The following CIAO3 variants were observed in gnomAD, a reference collection of about 807,000 sequenced individuals.
CIAO3 encodes LET1 like/JFP15.
In CIAO3, 45 loss-of-function variants were observed where a neutral mutation model predicts 51.5. That is an observed-to-expected ratio of 0.87 (90% CI 0.69 to 1.12). The LOEUF (loss-of-function observed/expected upper bound fraction) is 1.12. CIAO3 is among the 50% of genes most tolerant of loss of function. The pLI is 0.00. For synonymous variants in CIAO3, 314 were observed against 269.3 expected (o/e 1.17, Z -1.63); for missense variants, 668 against 632.5 (o/e 1.06, Z -0.60).
chr16:740,708 G>A, intron 1 of CIAO3: 1 of 557,056 alleles, frequency 1.8e-6, no homozygotes, highest in South Asian at 2.1e-5. Context: ...GGGGGGCGCC[G>A]CCCTCCCTGG....
intron 1 of CIAO3, 39 bp downstream of exon 1, chr16:740,881 C>A: frequency 6.6e-7 from 1 of 1,517,254 alleles, no homozygotes; most frequent in South Asian, 1.2e-5. Context: ...GACAGGGCAC[C>A]GAGCGCAGCC....
chr16:729,889 T>C lies in CIAO3; in HGVS notation c.*528A>G, dbSNP rs117818762. 3,848 of 395,742 alleles carry C rather than the reference T, an allele frequency of 9.7e-3. 56 individuals carry two copies. Among genetic ancestry groups the C allele is most frequent in the South Asian group, 0.029 (1,285 of 44,612 alleles). 24.5% of individuals were successfully genotyped at this position (395,742 alleles called of 1,614,324 possible). ...ACTTGGCTTGCCCCGGACCACAGCC[T>C]CGTAACGGTAACCCCTGCTTTCCAG... On this transcript the variant is annotated 3_prime_UTR_variant, in exon 11 of 11. Transcript: ENST00000251588.
chr16:731,136 AAG>A, intron 9 of CIAO3, 136 bp from the exon 10 acceptor site: 5 of 1,156,912 alleles, frequency 4.3e-6, no homozygotes, highest in South Asian at 1.5e-5. Flanking sequence ...GGGCAGAGGG[AAG>A]GACAAGAACG....
intron 10 of CIAO3, 67 bp from the exon 11 acceptor site, chr16:730,722 A>C (rs1567342699): frequency 6.3e-7 from 1 of 1,583,828 alleles, no homozygotes; most frequent in African/African-American, 1.3e-5. Flanking sequence ...ACCACCAGGG[A>C]GCAGGGAGGT....
rs141751860 is a variant in CIAO3 at position 734,318 on chromosome 16, C to G, written c.604G>C (p.Gly202Arg). 13 of 1,611,362 alleles carry G rather than the reference C, an allele frequency of 8.1e-6. No homozygotes were observed. Among genetic ancestry groups the G allele is most frequent in the Non-Finnish European group, 1.1e-5 (13 of 1,179,862 alleles). ...GWICYAEKTH[G>R]SFILPHISTA... ...CTGATGTGGGGGAGGATGAAGCTGC[C>G]GTGAGTCTTCTCGGCATAGCAGATC... The change falls in exon 6 of 11, where the codon GGC becomes CGC. Residue 202 changes from glycine (G) to arginine (R), a missense_variant. By Grantham distance (125) the Gly-to-Arg change is moderately radical. Transcript: ENST00000251588.
At position 730,039 on chromosome 16, in the gene CIAO3, G is replaced by A. The variant is rs1418791186; in HGVS notation, c.*378C>T. The A allele has an allele frequency of 8.0e-5, 30 of 374,228 alleles. No homozygotes were observed. The highest frequency in any genetic ancestry group is 1.5e-5 in the Non-Finnish European group (3 of 202,308). 23.2% of individuals were successfully genotyped at this position (374,228 alleles called of 1,614,324 possible). On this transcript the variant is annotated 3_prime_UTR_variant, in exon 11 of 11. Transcript: ENST00000251588. ...AGGGAAGCCTCCAGAAGTCAGGGGT[G>A]AGAACCCGTCTTGCTCTGCCTCAGG...
Position 734,240 on chromosome 16 carries a change from C to A in CIAO3, c.682G>T (p.Ala228Ser). The change falls in exon 6 of 11, where the codon GCC becomes TCC. Residue 228 changes from alanine to serine, a missense_variant. Ala to Ser is a moderately conservative substitution (Grantham distance 99). Transcript: ENST00000251588. ...CCCAACGCCGTTACCTGCTGCTGGG[C>A]GAAGAAGTCCTTGACCAGGGAGCCC... Reference protein sequence around the residue: ...VMGSLVKDFFAQQQHLTPDKI... With the variant: ...VMGSLVKDFFSQQQHLTPDKI... 6.2e-7 allele frequency: 1 copy of A among 1,611,524 alleles called. No homozygotes were observed. The highest frequency in any genetic ancestry group is 1.3e-5 in the African/African-American group (1 of 75,042).
At chr16:740,018 T>C in intron 1 of CIAO3, 2 of 1,443,016 alleles carry the variant, frequency 1.4e-6, no homozygotes, top group Admixed American at 2.1e-5. Context: ...CCACCAACAC[T>C]GACCTTCACC....
rs775781601 is a variant in CIAO3, at chr16:730,047, G to A, written c.*370C>T. 2.6e-5 allele frequency: 10 copies of A among 386,940 alleles called. No individual in the cohort carries two copies. The highest frequency in any genetic ancestry group is 4.3e-5 in the Admixed American group (1 of 23,102). The allele number at this position is 386,940 out of a possible 1,614,324, so 24.0% of individuals were successfully genotyped here. ...CTCCAGAAGTCAGGGGTGAGAACCC[G>A]TCTTGCTCTGCCTCAGGCAACCCCG... On this transcript the variant is annotated 3_prime_UTR_variant, in exon 11 of 11. Transcript: ENST00000251588.
intron 5 of CIAO3, 101 bp downstream of exon 5, chr16:734,636 C>G (rs1258208918): frequency 6.3e-7 from 1 of 1,596,496 alleles, no homozygotes; most frequent in Non-Finnish European, 8.6e-7. Flanking sequence ...CTGCTTGCGT[C>G]TCCACCCCCC....
chr16:732,172 C>T, intron 8 of CIAO3, 129 bp downstream of exon 8: 1 of 1,007,104 alleles, frequency 9.9e-7, no homozygotes. Flanking sequence ...GCTACTGCGC[C>T]TGGCTATCCA....
Position 737,827 on chromosome 16 carries a change from A to C in CIAO3, c.163-498T>G, listed in dbSNP as rs12449156. 337,344 of 1,189,222 alleles carry C rather than the reference A, an allele frequency of 0.28. 51,296 individuals are homozygous for C. The highest frequency in any genetic ancestry group is 0.54 in the African/African-American group (33,626 of 62,532). The allele number at this position is 1,189,222 out of a possible 1,614,324, so 73.7% of individuals were successfully genotyped here. ...GGCAGAAACAACCGTCAGACTCGCC[A>C]AACAGATGCAGGAACAAGGTGTTCC... On this transcript the variant is annotated intron_variant, in intron 2 of 10. Transcript: ENST00000251588. This position sits in a 1 kb window ranked among gnomAD's most constrained non-coding sequence, Gnocchi z 5.3.
chr16:739,327 G>T (rs867152039), intron 2 of CIAO3: 1 of 361,074 alleles, frequency 2.8e-6, no homozygotes, highest in Non-Finnish European at 5.2e-6. Context: ...ACAAACAAAA[G>T]AACGAGGGGT....
rs1397752214 is a variant in CIAO3, at chr16:730,382, G to A, written c.*35C>T. The A allele has an allele frequency of 6.3e-7, 1 of 1,582,464 alleles. No individual in the cohort carries two copies. The highest frequency in any genetic ancestry group is 1.3e-5 in the African/African-American group (1 of 74,622). ...GCATGTGGTTCTGCTGTCACACATG[G>A]ACACGGCCTCCTGGGAGTCCTGGTC... On this transcript the variant is annotated 3_prime_UTR_variant, in exon 11 of 11. Transcript: ENST00000251588.
Position 736,261 on chromosome 16 carries a change from C to T in CIAO3, c.439+5G>A, listed in dbSNP as rs2041336071. 1 of 1,612,410 alleles carries T rather than the reference C, an allele frequency of 6.2e-7. No individual in the cohort carries two copies. Among genetic ancestry groups the T allele is most frequent in the Admixed American group, 1.7e-5 (1 of 59,980 alleles). On this transcript the variant is annotated splice_donor_5th_base_variant and intron_variant, in intron 4 of 10. Transcript: ENST00000251588. ...CGGCAGTGTTACCCCAGGTTCAAAG[C>T]CTACCTATTTTTTTAAAGAATGAGG...
chr16:737,440 G>T lies in CIAO3; in HGVS notation c.163-111C>A. ...GACAACCAACATGGCTGCTGGCTGG[G>T]CTTGTGTGCCGCTGAATTTTTAAAA... On this transcript the variant is annotated intron_variant, in intron 2 of 10. Coordinates refer to ENST00000251588, the MANE Select transcript of CIAO3 (RefSeq NM_022493.3). The surrounding 1 kb of genome is among the most constrained non-coding windows in gnomAD (Gnocchi z 5.3). The T allele has an allele frequency of 6.3e-7, 1 of 1,578,050 alleles. No individual in the cohort carries two copies. The highest frequency in any genetic ancestry group is 8.6e-7 in the Non-Finnish European group (1 of 1,161,570).
chr16:739,560 C>A (rs768706557), intron 2 of CIAO3, 83 bp downstream of exon 2: 1 of 1,368,924 alleles, frequency 7.3e-7, no homozygotes, highest in Non-Finnish European at 1.0e-6. Context: ...TCGGGGTCAC[C>A]GCTCTGTGAC....
chr16:736,129 A>ATTC, intron 4 of CIAO3, 137 bp downstream of exon 4: 10 of 1,132,446 alleles, frequency 8.8e-6, no homozygotes, highest in Non-Finnish European at 1.1e-5. Context: ...CTGAGGTCAC[A>ATTC]GAGGGAATAA....
chr16:732,518 C>T, intron 7 of CIAO3, 145 bp from the exon 8 acceptor site: 1 of 912,734 alleles, frequency 1.1e-6, no homozygotes, highest in East Asian at 2.7e-5. Context: ...GGTGGGGAGG[C>T]CAGGCCCGGT....
Sources: allele counts gnomAD v4.1 joint callset, GRCh38; gene constraint gnomAD v4.1.1; non-coding constraint Gnocchi (gnomAD v3.1); transcripts MANE v1.5; gene names NCBI Gene and HGNC (gene_info 2026-07-23, HGNC 2026-07-21).